The following ZBTB48 variants were observed in gnomAD, a reference collection of about 807,000 sequenced individuals.
ZBTB48 encodes zinc finger and BTB domain containing 48.
A neutral mutation model predicts 64.5 loss-of-function variants in ZBTB48; 35 were observed. The observed-to-expected ratio is 0.54, with a 90% CI of 0.41 to 0.72. The LOEUF (loss-of-function observed/expected upper bound fraction) is 0.72, where lower values mean the gene tolerates loss of function less well. ZBTB48 is among the 30% of genes least tolerant of loss of function. The pLI, the probability that ZBTB48 is intolerant of heterozygous loss-of-function variation, is 0.00. For missense variants in ZBTB48, 828 were observed against 895.3 expected (o/e 0.92, Z 0.96); for synonymous variants, 442 against 356.7 (o/e 1.24, Z -2.70).
In ZBTB48 at chr1:6,581,182, G is replaced by A. The variant is rs1640438628; in HGVS notation, c.573G>A (p.Gly191=). 1 of 1,613,400 alleles carries A rather than the reference G, an allele frequency of 6.2e-7. No individual in the cohort carries two copies. The highest frequency in any genetic ancestry group is 8.5e-7 in the Non-Finnish European group (1 of 1,180,040). Residue 191 remains glycine, a synonymous_variant, in exon 2 of 11, where the codon GGG becomes GGA. Transcript: ENST00000377674. ...AQSEGPSSLC[G]KLKQALKPCP... ...GTGAGGGCCCCTCCTCCCTCTGTGG[G>A]AAACTGAAGCAGGCCTTGAAGCCTT...
chr1:6,586,859 G>A (rs1640688530), intron 5 of ZBTB48, 72 bp downstream of exon 5: 2 of 1,531,946 alleles, frequency 1.3e-6, no homozygotes, highest in African/African-American at 1.4e-5. Context: ...CCTTTACGTG[G>A]GGTGCTGTCA....
At position 6,586,781 on chromosome 1, in the gene ZBTB48, C is replaced by A; in HGVS notation, c.1131C>A (p.Pro377=). The change falls in exon 5 of 11, where the codon CCC becomes CCA. Residue 377 remains proline, a synonymous_variant. Coordinates refer to ENST00000377674, the MANE Select transcript of ZBTB48 (RefSeq NM_005341.4). ...VHMVSHTGEM[P]YKCSSCSQQF... ...TGGTGTCTCACACAGGGGAGATGCC[C>A]TACAAGGTCAGGCTTGGCCTGTCTC... The A allele has an allele frequency of 6.2e-7, 1 of 1,609,304 alleles. No homozygotes were observed. Among genetic ancestry groups the A allele is most frequent in the Non-Finnish European group, 8.5e-7 (1 of 1,177,644 alleles).
Position 6,584,886 on chromosome 1 carries a change from G to T in ZBTB48, c.933-1033G>T, listed in dbSNP as rs1357980313. On this transcript the variant is annotated intron_variant, in intron 3 of 10. Coordinates refer to ENST00000377674, the MANE Select transcript of ZBTB48 (RefSeq NM_005341.4). The surrounding 1 kb of genome is among the most constrained non-coding windows in gnomAD (Gnocchi z 4.5). ...GGGGCTCTGAGGTCGAGTTCGTTTA[G>T]TTCATTGATTAAGCAGTCTACCAGG... Among the ~76,000 whole-genome samples the T allele has an allele frequency of 6.6e-6, 1 of 152,172 alleles. No individual in the cohort carries two copies.
At position 6,587,581 on chromosome 1, in the gene ZBTB48, A is replaced by G; in HGVS notation, c.1328A>G (p.His443Arg). ...EKLFVCEECGHRASSRNGLQM... is the reference protein window; with the variant it reads ...EKLFVCEECGRRASSRNGLQM... The stretch of plus-strand genomic sequence containing the variant: ...CTGTTTGTGTGTGAGGAGTGTGGGC[A>G]CCGGGCCTCGAGCCGGAATGGCCTG... The change falls in exon 7 of 11, where the codon CAC (histidine) becomes CGC (arginine). Residue 443 changes from histidine to arginine, a missense_variant. Transcript: ENST00000377674. 1.2e-6 allele frequency: 2 copies of G among 1,613,776 alleles called. No homozygotes were observed. The highest frequency in any genetic ancestry group is 2.2e-5 in the South Asian group (2 of 91,060).
At chr1:6,586,597 A>G in intron 4 of ZBTB48, 98 bp from the exon 5 acceptor site, 1 of 1,232,108 alleles carries the variant, frequency 8.1e-7, no homozygotes, top group Non-Finnish European at 1.0e-6. Flanking sequence ...CTCCCCAGGC[A>G]GACTCTTCCC....
chr1:6,580,505 A>G lies in ZBTB48; in HGVS notation c.-69-36A>G. 8.3e-7 allele frequency: 1 copy of G among 1,204,088 alleles called. No homozygotes were observed. The highest frequency in any genetic ancestry group is 1.2e-6 in the Non-Finnish European group (1 of 861,808). 74.6% of individuals were successfully genotyped at this position (1,204,088 alleles called of 1,614,324 possible). ...TGCTGATAAATATGATTATTTGAGT[A>G]GAGGCCAACTTCCCGTTTCTCTCTC... On this transcript the variant is annotated intron_variant, in intron 1 of 10. Transcript: ENST00000377674. This position sits in a 1 kb window ranked among gnomAD's most constrained non-coding sequence, Gnocchi z 5.2.
chr1:6,582,025 C>T (rs777740759), intron 2 of ZBTB48, 33 bp from the exon 3 acceptor site: 46 of 1,605,114 alleles, frequency 2.9e-5, no homozygotes, highest in African/African-American at 8.0e-5. Context: ...CATTTGGTGA[C>T]GCCACCCCCT....
chr1:6,589,116 C>T lies in ZBTB48; in HGVS notation c.1971C>T (p.Gly657=). 6.2e-7 allele frequency: 1 copy of T among 1,607,346 alleles called. No individual in the cohort carries two copies. Residue 657 remains glycine (G), a synonymous_variant, in exon 11 of 11, where the codon GGC becomes GGT. Coordinates refer to ENST00000377674, the MANE Select transcript of ZBTB48 (RefSeq NM_005341.4). ...GCGGCCTGGCCTCCCAGCTCCCCGG[C>T]CAGAGACTGTGTGCAGAGGAGAGCT... The part of the protein sequence containing the change: ...AQGGLASQLP[G]QRLCAEESFT...
rs778648173 is a variant in ZBTB48 at position 6,582,283 on chromosome 1, C to T, written c.916C>T (p.Leu306=). Residue 306 remains leucine (L), a synonymous_variant, in exon 3 of 11, where the codon CTA becomes TTA. Coordinates refer to ENST00000377674, the MANE Select transcript of ZBTB48 (RefSeq NM_005341.4). ...TAAAAAGTTCCTCAGCAAATATTAT[C>T]TAAAAGTCCACAACAGGTAAACGTT... ...CHKKFLSKYY[L]KVHNRKHTGE... The T allele has an allele frequency of 6.2e-7, 1 of 1,611,216 alleles. No individual in the cohort carries two copies. The highest frequency in any genetic ancestry group is 1.3e-5 in the African/African-American group (1 of 74,880).
chr1:6,585,937 AC>A lies in ZBTB48; in HGVS notation c.954del (p.Phe319LeufsTer25), dbSNP rs1384959632. The A allele has an allele frequency of 3.7e-6, 6 of 1,613,898 alleles. No individual in the cohort carries two copies. Among genetic ancestry groups the A allele is most frequent in the African/African-American group, 2.7e-5 (2 of 74,900 alleles). ...VHNRKHTGEK[P>X]FECPKCGKCY... ...CTGGCAGGAAACATACTGGGGAGAA[AC>A]CCTTTGAGTGTCCCAAATGTGGGAA... is the stretch of plus-strand genomic sequence containing the variant. On this transcript the variant is annotated frameshift_variant, in exon 4 of 11. Coordinates refer to ENST00000377674, the MANE Select transcript of ZBTB48 (RefSeq NM_005341.4). LOFTEE classifies it high-confidence loss of function.
Position 6,584,881 on chromosome 1 carries a change from G to A in ZBTB48, c.933-1038G>A, listed in dbSNP as rs1041518330. On this transcript the variant is annotated intron_variant, in intron 3 of 10. Transcript: ENST00000377674. This position sits in a 1 kb window ranked among gnomAD's most constrained non-coding sequence, Gnocchi z 4.5. ...GCACAGGGGCTCTGAGGTCGAGTTC[G>A]TTTAGTTCATTGATTAAGCAGTCTA... is the stretch of plus-strand genomic sequence containing the variant. Among the ~76,000 whole-genome samples, 4 of 152,150 alleles carry A rather than the reference G, an allele frequency of 2.6e-5. No individual in the cohort carries two copies. The highest frequency in any genetic ancestry group is 2.1e-4 in the South Asian group (1 of 4,830).
chr1:6,588,608 T>A, intron 9 of ZBTB48, 148 bp from the exon 10 acceptor site: 1 of 1,438,842 alleles, frequency 7.0e-7, no homozygotes. Context: ...GTAGTGACCC[T>A]GGGTGGCACT....
rs1277502438 is a variant in ZBTB48 at position 6,581,096 on chromosome 1, G to A, written c.487G>A (p.Asp163Asn). Residue 163 changes from aspartate (D) to asparagine (N), a missense_variant, in exon 2 of 11, where the codon GAT becomes AAT. Coordinates refer to ENST00000377674, the MANE Select transcript of ZBTB48 (RefSeq NM_005341.4). ...VSRTLGLVPR[D>N]QEPRGSHSPQ... Reference sequence around the variant, plus strand: ...GAGGACTCTGGGTCTAGTCCCCAGGGATCAGGAGCCCAGAGGCAGTCATAG... The same window carrying A: ...GAGGACTCTGGGTCTAGTCCCCAGGAATCAGGAGCCCAGAGGCAGTCATAG... 6.2e-7 allele frequency: 1 copy of A among 1,613,016 alleles called. No homozygotes were observed. The highest frequency in any genetic ancestry group is 1.7e-5 in the Admixed American group (1 of 59,976).
chr1:6,585,688 C>T (rs970383359), intron 3 of ZBTB48: 2 of 554,856 alleles, frequency 3.6e-6, no homozygotes, highest in Non-Finnish European at 6.5e-6. Context: ...GGCCTCTGTG[C>T]TGGCCAGATC....
chr1:6,585,102 G>T (rs947277339), intron 3 of ZBTB48, among the ~76,000 whole-genome samples: 2 of 152,160 alleles, frequency 1.3e-5, no homozygotes, highest in East Asian at 1.9e-4. Flanking sequence ...TGTGAGTGGG[G>T]TTCGATTGCG....
rs1056847452 is a variant in ZBTB48 at position 6,584,375 on chromosome 1, C to T, written c.933-1544C>T. 2.0e-5 allele frequency among the ~76,000 whole-genome samples: 3 copies of T among 152,244 alleles called. No homozygotes were observed. The highest frequency in any genetic ancestry group is 6.5e-5 in the Admixed American group (1 of 15,290). On this transcript the variant is annotated intron_variant, in intron 3 of 10. Coordinates refer to ENST00000377674, the MANE Select transcript of ZBTB48 (RefSeq NM_005341.4). The surrounding 1 kb of genome is among the most constrained non-coding windows in gnomAD (Gnocchi z 4.5). ...CATCATCGTGGAGAATCCCCTTGGG[C>T]GGCACTGCTTTGGAGTCCCTGCAAG... is the stretch of plus-strand genomic sequence containing the variant.
chr1:6,581,927 C>T, intron 2 of ZBTB48, 131 bp from the exon 3 acceptor site: 1 of 1,362,126 alleles, frequency 7.3e-7, no homozygotes, highest in East Asian at 2.3e-5. Flanking sequence ...TGCCTTGGGC[C>T]CCTGAAGGAA....
At chr1:6,586,458 G>T in intron 4 of ZBTB48, 1 of 794,818 alleles carries the variant, frequency 1.3e-6, no homozygotes, top group Non-Finnish European at 1.8e-6. Context: ...TGTGGGTGAG[G>T]CCACTCGGAC....
intron 10 of ZBTB48, 33 bp from the exon 11 acceptor site, chr1:6,588,883 C>A (rs372705598): frequency 1.9e-6 from 3 of 1,613,770 alleles, no homozygotes; most frequent in Admixed American, 3.3e-5. Context: ...ACCCTAGGAT[C>A]CCCCAAAGTT....
Sources: gnomAD v4.1 joint callset for allele counts (sites outside exome capture counted in the v4.1 genomes callset) on GRCh38, gnomAD v4.1.1 for gene constraint, Gnocchi (gnomAD v3.1) non-coding constraint, MANE v1.5 for transcripts, NCBI Gene and HGNC (gene_info 2026-07-23, HGNC 2026-07-21) for gene names.